Variants in ATP8B4 observed in about 807,000 individuals in gnomAD.
ATP8B4 encodes probable phospholipid-transporting ATPase IM.
A neutral mutation model predicts 145.6 loss-of-function variants in ATP8B4; 133 were observed. The ratio of observed to expected loss-of-function variants is 0.91; its 90% confidence interval spans 0.79 to 1.05. ATP8B4 has a LOEUF of 1.05. Among genes scored for constraint, ATP8B4 ranks in the 50% least tolerant of loss-of-function variants. ATP8B4 has a pLI of 0.00. For missense variants in ATP8B4, 1,458 were observed against 1,425.2 expected (o/e 1.02, Z -0.37); for synonymous variants, 507 against 492.9 (o/e 1.03, Z -0.38).
rs867317720 is a variant in ATP8B4 at position 50,024,725 on chromosome 15, C to T, written c.363-13808G>A. 4.6e-5 allele frequency among the ~76,000 whole-genome samples: 7 copies of T among 152,288 alleles called. No homozygotes were observed. The South Asian group carries it at 8.3e-4, about 18-fold the overall frequency. ...ACTTGCTGCAACCTGGGGGCAGCTGCGAATGAAACAGTAAGCATTGCTTCA... is the reference window on the plus strand; with the variant it reads ...ACTTGCTGCAACCTGGGGGCAGCTGTGAATGAAACAGTAAGCATTGCTTCA... On this transcript the variant is annotated intron_variant, in intron 6 of 27. Transcript: ENST00000284509.
At chr15:49,982,023 A>G (rs756987860) in intron 10 of ATP8B4, among the ~76,000 whole-genome samples, 1 of 152,224 alleles carries the variant, frequency 6.6e-6, no homozygotes, top group Non-Finnish European at 1.5e-5. Context: ...TTCCTTGTGG[A>G]CAGAGAAAAT....
intron 2 of ATP8B4, among the ~76,000 whole-genome samples, chr15:50,104,640 A>G (rs1431949176): frequency 6.6e-6 from 1 of 152,174 alleles, no homozygotes; most frequent in Non-Finnish European, 1.5e-5. Flanking sequence ...GTAATCTAGT[A>G]CAACCATTAT....
At chr15:49,881,985 T>G (rs1377482654) in intron 23 of ATP8B4, among the ~76,000 whole-genome samples, 2 of 152,320 alleles carry the variant, frequency 1.3e-5, no homozygotes, top group Middle Eastern at 6.8e-3. Context: ...TTCTATCAGC[T>G]GTCGAGGACA....
At chr15:50,107,778 G>A (rs778281750) in intron 1 of ATP8B4, among the ~76,000 whole-genome samples, 1 of 151,970 alleles carries the variant, frequency 6.6e-6, no homozygotes, top group African/African-American at 2.4e-5. Flanking sequence ...GGCAGGATGC[G>A]GCCAACACAC....
chr15:49,920,698 C>A (rs1486644690), intron 17 of ATP8B4, among the ~76,000 whole-genome samples: 1 of 152,162 alleles, frequency 6.6e-6, no homozygotes, highest in African/African-American at 2.4e-5. Flanking sequence ...ATCAGTGACA[C>A]CCATGACTTG....
chr15:49,868,551 A>T (rs914171677), intron 25 of ATP8B4, among the ~76,000 whole-genome samples: 2 of 152,210 alleles, frequency 1.3e-5, no homozygotes, highest in African/African-American at 2.4e-5. Flanking sequence ...ATGAGTAATA[A>T]TGTATGAGGG....
intron 13 of ATP8B4, among the ~76,000 whole-genome samples, chr15:49,965,870 A>G (rs1015242005): frequency 2.0e-5 from 3 of 147,114 alleles, no homozygotes; most frequent in South Asian, 2.2e-4. Flanking sequence ...GTAGCTCCCA[A>G]TGAGATCAAC....
chr15:49,998,496 G>A (rs895116383), intron 8 of ATP8B4, among the ~76,000 whole-genome samples: 2 of 152,184 alleles, frequency 1.3e-5, no homozygotes, highest in African/African-American at 4.8e-5. Flanking sequence ...GCCAGTGATG[G>A]TGAGCATTTT....
chr15:50,074,050 G>T, intron 3 of ATP8B4, 77 bp downstream of exon 3: 2 of 1,340,362 alleles, frequency 1.5e-6, no homozygotes, highest in Non-Finnish European at 1.0e-6. Flanking sequence ...AAGTCATAAA[G>T]TTCTAGAAGA....
chr15:50,028,508 C>T (rs1209872449), intron 6 of ATP8B4, among the ~76,000 whole-genome samples: 5 of 152,158 alleles, frequency 3.3e-5, no homozygotes, highest in Non-Finnish European at 5.9e-5. Flanking sequence ...CTGACAAGAA[C>T]TTTTGAGAGC....
At chr15:49,919,190 G>T (rs2040024178) in intron 18 of ATP8B4, among the ~76,000 whole-genome samples, 2 of 152,078 alleles carry the variant, frequency 1.3e-5, no homozygotes, top group Non-Finnish European at 2.9e-5. Context: ...TACTTGAAGG[G>T]GCTGATATGC....
At chr15:50,134,821 A>T (rs16963336) in intron 1 of ATP8B4, among the ~76,000 whole-genome samples, 8,716 of 152,302 alleles carry the variant, frequency 0.057, 406 homozygotes, top group Admixed American at 0.15. Flanking sequence ...TGTTGGTGGC[A>T]TTGACAAAAA....
At chr15:49,965,442 G>A (rs1251428242) in intron 13 of ATP8B4, among the ~76,000 whole-genome samples, 4 of 152,164 alleles carry the variant, frequency 2.6e-5, no homozygotes, top group African/African-American at 9.7e-5. Flanking sequence ...GACATTGGGA[G>A]ACCAGAGGAA....
chr15:49,979,647 T>C lies in ATP8B4; in HGVS notation c.1004A>G (p.Asn335Ser), dbSNP rs369316110. Residue 335 changes from asparagine to serine, a missense_variant, in exon 12 of 28, where the codon AAT becomes AGT. Asn to Ser is a conservative substitution (Grantham distance 46). Coordinates refer to ENST00000284509, the MANE Select transcript of ATP8B4 (RefSeq NM_024837.4). ...LTFWSYIIILNTVVPISLYVS... is the reference protein window; with the variant it reads ...LTFWSYIIILSTVVPISLYVS... ...ATATAAGGAAATGGGTACAACTGTA[T>C]TGAGAATAATAATATATGACCAGAA... 16 of 1,585,820 alleles carry C rather than the reference T, an allele frequency of 1.0e-5. No individual in the cohort carries two copies. The highest frequency in any genetic ancestry group is 2.2e-5 in the East Asian group (1 of 44,554).
At chr15:49,991,432 C>A (rs1360422254) in intron 9 of ATP8B4, among the ~76,000 whole-genome samples, 3 of 152,108 alleles carry the variant, frequency 2.0e-5, no homozygotes, top group Admixed American at 1.3e-4. Flanking sequence ...AATTTACATC[C>A]GGGGTTTTCC....
intron 1 of ATP8B4, among the ~76,000 whole-genome samples, chr15:50,160,326 C>T (rs578081534): frequency 1.2e-4 from 18 of 151,116 alleles, no homozygotes; most frequent in Middle Eastern, 3.4e-3. Flanking sequence ...TTTATCTTTT[C>T]GAAAAAATTT....
At position 50,176,325 on chromosome 15, in the gene ATP8B4, T is replaced by G. The variant is rs150872101; in HGVS notation, c.-43+5936A>C. On this transcript the variant is annotated intron_variant, in intron 1 of 3. Transcript: ENST00000558829. ...ACATGTGGGAGCTAAGCTGTGAGGA[T>G]GCAAAGGCATAAGAATAATACAATG... 6.9e-3 allele frequency among the ~76,000 whole-genome samples: 1,046 copies of G among 152,118 alleles called. 12 individuals are homozygous for G. Among genetic ancestry groups the G allele is most frequent in the African/African-American group, 0.024 (995 of 41,512 alleles).
At chr15:49,876,747 T>C in intron 24 of ATP8B4, 2 of 711,854 alleles carry the variant, frequency 2.8e-6, no homozygotes, top group Non-Finnish European at 4.9e-6. Flanking sequence ...CCAAGAGAGA[T>C]TCATGAGAGG....
intron 2 of ATP8B4, among the ~76,000 whole-genome samples, chr15:50,081,866 G>GTA (rs1312635856): frequency 1.3e-5 from 2 of 152,210 alleles, no homozygotes; most frequent in East Asian, 3.8e-4. Flanking sequence ...GCACTTGGCT[G>GTA]TAGACCCTCA....
Sources: gnomAD v4.1 joint callset for allele counts (sites outside exome capture counted in the v4.1 genomes callset) on GRCh38, gnomAD v4.1.1 for gene constraint, MANE v1.5 for transcripts, NCBI Gene and HGNC (gene_info 2026-07-23, HGNC 2026-07-21) for gene names.